BEND7: variants seen among roughly 807,000 people sequenced by gnomAD.
The protein encoded by BEND7 is BEN domain-containing protein 7.
A neutral mutation model predicts 50.9 loss-of-function variants in BEND7; 28 were observed. That is an observed-to-expected ratio of 0.55 (90% CI 0.41 to 0.75). The LOEUF (loss-of-function observed/expected upper bound fraction) is 0.75. Among genes scored for constraint, BEND7 ranks in the 30% least tolerant of loss-of-function variants. BEND7 has a pLI of 0.00. For missense variants in BEND7, 477 were observed against 491.3 expected, an observed-to-expected ratio of 0.97 and a Z score of 0.28; for synonymous variants, 170 against 183.9, an observed-to-expected ratio of 0.92 and a Z score of 0.61.
At chr10:13,458,542 T>G (rs187227157) in intron 6 of BEND7, among the ~76,000 whole-genome samples, 2 of 152,362 alleles carry the variant, frequency 1.3e-5, no homozygotes, top group East Asian at 3.9e-4. Context: ...CTAAGAACTC[T>G]GGCTGGCAGT....
chr10:13,442,095 G>T (rs1218473629), intron 8 of BEND7: 4 of 256,478 alleles, frequency 1.6e-5, no homozygotes, highest in Non-Finnish European at 3.0e-5. Context: ...CTTGGACAGG[G>T]TAGTCAGGAA....
intron 6 of BEND7, among the ~76,000 whole-genome samples, chr10:13,464,193 A>G (rs1472356157): frequency 6.6e-6 from 1 of 152,220 alleles, no homozygotes; most frequent in Non-Finnish European, 1.5e-5. Flanking sequence ...AAACCCACAC[A>G]TGGGCACCCA....
chr10:13,456,361 G>C (rs1189996539), intron 6 of BEND7, among the ~76,000 whole-genome samples: 1 of 152,188 alleles, frequency 6.6e-6, no homozygotes, highest in African/African-American at 2.4e-5. Context: ...CAGCAGAAGT[G>C]AATGTCACCA....
chr10:13,512,938 G>C (rs766479065), intron 2 of BEND7, among the ~76,000 whole-genome samples: 6 of 152,162 alleles, frequency 3.9e-5, no homozygotes, highest in Admixed American at 1.3e-4. Flanking sequence ...TAAGGCAACA[G>C]TAACTTAAAT....
intron 2 of BEND7, among the ~76,000 whole-genome samples, chr10:13,505,861 C>T (rs536441496): frequency 2.0e-5 from 3 of 152,090 alleles, no homozygotes; most frequent in Admixed American, 6.5e-5. Context: ...GTACAGCAGG[C>T]GTTCCATAAA....
intron 4 of BEND7, among the ~76,000 whole-genome samples, chr10:13,494,220 C>A (rs2076873430): frequency 1.3e-5 from 2 of 152,120 alleles, no homozygotes. Context: ...AGATCGAGAC[C>A]ATCCTGGCCA....
rs763003343 is a variant in BEND7 at position 13,499,924 on chromosome 10, G to A, written c.302C>T (p.Ser101Phe). 3 of 1,614,196 alleles carry A rather than the reference G, an allele frequency of 1.9e-6. No homozygotes were observed. In the South Asian group the frequency reaches 3.3e-5, roughly 18 times the overall value. Residue 101 changes from serine to phenylalanine, a missense_variant, in exon 3 of 9, where the codon TCC (serine) becomes TTC (phenylalanine). Transcript: ENST00000466271. ...LDLVWPPRLN[S>F]SAEAPQSLHP... Reference sequence around the variant, plus strand: ...GAGGCTTTGCGGGGCCTCAGCAGAGGAGTTCAAACGTGGAGGCCAGACTAA... The same window carrying A: ...GAGGCTTTGCGGGGCCTCAGCAGAGAAGTTCAAACGTGGAGGCCAGACTAA...
chr10:13,499,471 G>A (rs2077279158), intron 3 of BEND7, among the ~76,000 whole-genome samples: 1 of 151,802 alleles, frequency 6.6e-6, no homozygotes, highest in South Asian at 2.1e-4. Context: ...TAATGTTCAG[G>A]TTTTTTTTGT....
At chr10:13,510,618 T>C (rs2078206935) in intron 2 of BEND7, among the ~76,000 whole-genome samples, 1 of 152,320 alleles carries the variant, frequency 6.6e-6, no homozygotes, top group East Asian at 1.9e-4. Context: ...TGGAATTATG[T>C]GAAAGACAAA....
At chr10:13,474,060 C>T (rs1289320555) in intron 6 of BEND7, among the ~76,000 whole-genome samples, 17 of 148,798 alleles carry the variant, frequency 1.1e-4, no homozygotes, top group African/African-American at 3.5e-4. Flanking sequence ...GATTTGGGGT[C>T]GATACCCATC....
At chr10:13,505,602 G>A (rs1031415678) in intron 2 of BEND7, among the ~76,000 whole-genome samples, 2 of 152,170 alleles carry the variant, frequency 1.3e-5, no homozygotes, top group Non-Finnish European at 1.5e-5. Context: ...TGCCATTAAA[G>A]GCCCACAGTC....
intron 6 of BEND7, among the ~76,000 whole-genome samples, chr10:13,471,918 C>T (rs2074875131): frequency 6.6e-6 from 1 of 152,218 alleles, no homozygotes; most frequent in African/African-American, 2.4e-5. Flanking sequence ...CGATACCCGT[C>T]ATCACTGTTA....
chr10:13,452,378 T>C (rs1263876155), intron 7 of BEND7, among the ~76,000 whole-genome samples, 161 bp downstream of exon 7: 1 of 145,846 alleles, frequency 6.9e-6, no homozygotes, highest in African/African-American at 2.4e-5. Flanking sequence ...AGTTTCAAAA[T>C]TCATTTGAAT....
intron 5 of BEND7, among the ~76,000 whole-genome samples, chr10:13,481,656 AT>A (rs1269814915): frequency 6.6e-6 from 1 of 152,214 alleles, no homozygotes; most frequent in African/African-American, 2.4e-5. Context: ...CTGCAGAGAT[AT>A]TTTTTTTCCC....
intron 2 of BEND7, among the ~76,000 whole-genome samples, chr10:13,519,308 T>C (rs1256477532): frequency 6.6e-6 from 1 of 151,396 alleles, no homozygotes; most frequent in Non-Finnish European, 1.5e-5. Flanking sequence ...CCGTCTCTAC[T>C]AAAAAAAATA....
intron 2 of BEND7, among the ~76,000 whole-genome samples, chr10:13,516,119 A>C (rs2078652412): frequency 6.6e-6 from 1 of 152,206 alleles, no homozygotes; most frequent in Non-Finnish European, 1.5e-5. Flanking sequence ...TTAAGAGTCT[A>C]CTCTGCACCA....
intron 6 of BEND7, among the ~76,000 whole-genome samples, chr10:13,468,907 C>T (rs1254320879): frequency 6.6e-6 from 1 of 152,232 alleles, no homozygotes; most frequent in Non-Finnish European, 1.5e-5. Flanking sequence ...AAGATGACTG[C>T]TGTGTGGGTA....
At chr10:13,456,407 C>CT (rs1386736290) in intron 6 of BEND7, among the ~76,000 whole-genome samples, 2 of 152,210 alleles carry the variant, frequency 1.3e-5, no homozygotes, top group Non-Finnish European at 2.9e-5. Flanking sequence ...GCTAGGCCGT[C>CT]TGTCATGTGG....
chr10:13,466,134 A>AGTTGGTATATTTCAATG (rs1356926126), intron 6 of BEND7, among the ~76,000 whole-genome samples: 1 of 152,140 alleles, frequency 6.6e-6, no homozygotes, highest in Non-Finnish European at 1.5e-5. Context: ...TGTTTAACAC[A>AGTTGGTATATTTCAATG]GTTGGTATAT....
Sources: gnomAD v4.1 joint callset for allele counts (sites outside exome capture counted in the v4.1 genomes callset) on GRCh38, gnomAD v4.1.1 for gene constraint, MANE v1.5 for transcripts, NCBI Gene and HGNC (gene_info 2026-07-23, HGNC 2026-07-21) for gene names.